The following TUT4 variants were observed in gnomAD, a reference collection of about 807,000 sequenced individuals.
The protein encoded by TUT4 is terminal uridylyl transferase 4.
In TUT4, 36 loss-of-function variants were observed where a neutral mutation model predicts 192.2. The ratio of observed to expected loss-of-function variants is 0.19; its 90% CI spans 0.14 to 0.25. The LOEUF is 0.25. Ranked by LOEUF, TUT4 falls within the 10% of genes least tolerant of loss-of-function variation. TUT4 has a pLI of 1.00. For synonymous variants in TUT4, 618 were observed against 666.0 expected, an observed-to-expected ratio of 0.93 and a Z score of 1.11; for missense variants, 1,493 against 1,957.2, an observed-to-expected ratio of 0.76 and a Z score of 4.47.
At chr1:52,479,611 G>A (rs993529533) in intron 11 of TUT4, among the ~76,000 whole-genome samples, 3 of 152,204 alleles carry the variant, frequency 2.0e-5, no homozygotes, top group Admixed American at 6.5e-5. Flanking sequence ...CTGAAAGGAT[G>A]CAGTGCAAAC....
At chr1:52,484,702 T>C (rs973328548) in intron 9 of TUT4, among the ~76,000 whole-genome samples, 2 of 152,244 alleles carry the variant, frequency 1.3e-5, no homozygotes, top group Non-Finnish European at 2.9e-5. Flanking sequence ...ATCTGAGCAT[T>C]CTATTCTGTT....
intron 24 of TUT4, among the ~76,000 whole-genome samples, chr1:52,443,357 G>A (rs1656299912): frequency 6.6e-6 from 1 of 151,696 alleles, no homozygotes; most frequent in Admixed American, 6.6e-5. Context: ...GGGAGGCTGA[G>A]ATGGGCGGAT....
At chr1:52,449,733 C>A (rs542773157) in intron 20 of TUT4, among the ~76,000 whole-genome samples, 1 of 152,198 alleles carries the variant, frequency 6.6e-6, no homozygotes, top group African/African-American at 2.4e-5. Context: ...AAAATCTTAT[C>A]ATCTGGTAAA....
chr1:52,475,220 T>C lies in TUT4; in HGVS notation c.2339A>G (p.Asn780Ser). 6.2e-7 allele frequency: 1 copy of C among 1,614,140 alleles called. No homozygotes were observed. The highest frequency in any genetic ancestry group is 8.5e-7 in the Non-Finnish European group (1 of 1,180,020). ...TAGTTCATTTACCAACAAATTGTTG[T>C]TGTCAATAATACATCTCTGTGATGT... The part of the protein sequence containing the change: ...DCTSQRCIID[N>S]NNLLVNELDF... The change falls in exon 13 of 30, where the codon AAC becomes AGC. Residue 780 changes from asparagine (N) to serine (S), a missense_variant. By Grantham distance (46) the Asn-to-Ser change is conservative (BLOSUM62 1). Around this residue, in one of 7 missense-constraint regions of TUT4, gnomAD observed 245 missense variants for 218.4 expected, o/e 1.12. Transcript: ENST00000257177.
At chr1:52,428,169 T>C (rs1475749789) in intron 28 of TUT4, among the ~76,000 whole-genome samples, 1 of 152,222 alleles carries the variant, frequency 6.6e-6, no homozygotes, top group Non-Finnish European at 1.5e-5. Context: ...AGTTTTAATT[T>C]TGATTCAAAT....
intron 13 of TUT4, among the ~76,000 whole-genome samples, chr1:52,472,942 G>T (rs1010165665): frequency 1.3e-5 from 2 of 152,058 alleles, no homozygotes; most frequent in African/African-American, 4.8e-5. Context: ...ATCTCTCTTT[G>T]TAAGAATGAT....
At chr1:52,500,401 G>A (rs974980281) in intron 4 of TUT4, among the ~76,000 whole-genome samples, 1 of 152,214 alleles carries the variant, frequency 6.6e-6, no homozygotes, top group Non-Finnish European at 1.5e-5. Context: ...GCCAAGGCAG[G>A]AGGACTGCTG....
chr1:52,463,017 A>G, intron 16 of TUT4: 1 of 985,226 alleles, frequency 1.0e-6, no homozygotes, highest in Non-Finnish European at 1.2e-6. Context: ...TAATTCACAT[A>G]TGATAAAATT....
intron 1 of TUT4, among the ~76,000 whole-genome samples, chr1:52,539,446 C>T (rs755778603): frequency 5.9e-5 from 9 of 151,936 alleles, no homozygotes; most frequent in East Asian, 1.9e-4. Context: ...CACAAGAGAA[C>T]GAAGAATAGA....
chr1:52,485,406 C>G (rs1391021626), intron 9 of TUT4, among the ~76,000 whole-genome samples: 3 of 152,060 alleles, frequency 2.0e-5, no homozygotes, highest in African/African-American at 4.8e-5. Flanking sequence ...ATCATTCGCA[C>G]AAAGAGATAA....
chr1:52,457,915 A>G (rs1439081029), intron 20 of TUT4, among the ~76,000 whole-genome samples: 2 of 152,210 alleles, frequency 1.3e-5, no homozygotes, highest in Admixed American at 1.3e-4. Context: ...CAAAATTCAC[A>G]AGGTTGACCA....
At chr1:52,490,705 A>T in intron 8 of TUT4, 27 bp downstream of exon 8, 2 of 1,577,854 alleles carry the variant, frequency 1.3e-6, no homozygotes, top group Admixed American at 1.9e-5. Flanking sequence ...TTGTTTTTTT[A>T]AATATTTTAT....
rs559363669 is a variant in TUT4 at position 52,461,591 on chromosome 1, A to C, written c.3153T>G (p.Thr1051=). 4.5e-5 allele frequency: 73 copies of C among 1,612,560 alleles called. 1 individual carries two copies. In the South Asian group the frequency reaches 7.3e-4, roughly 16 times the overall value. ...HPGLRNILPI[T]TAKVPIVKFE... ...ATTTTACTATAGGCACTTTGGCAGTAGTTATAGGCAAAATGTTTCTTAAAC... is the reference window on the plus strand; with the variant it reads ...ATTTTACTATAGGCACTTTGGCAGTCGTTATAGGCAAAATGTTTCTTAAAC... Residue 1051 remains threonine, a synonymous_variant, in exon 18 of 30, where the codon ACT becomes ACG. Transcript: ENST00000257177.
intron 24 of TUT4, among the ~76,000 whole-genome samples, chr1:52,443,308 G>T (rs1656277480): frequency 1.3e-5 from 2 of 150,174 alleles, no homozygotes; most frequent in South Asian, 4.2e-4. Flanking sequence ...AAAAAAAAAG[G>T]CTGGGCACAG....
intron 1 of TUT4, among the ~76,000 whole-genome samples, chr1:52,541,519 G>A (rs964005706): frequency 7.0e-4 from 105 of 150,052 alleles, no homozygotes; most frequent in African/African-American, 2.1e-3. Context: ...GTGACAGAGC[G>A]AGACTCCGTC....
At position 52,490,799 on chromosome 1, in the gene TUT4, A is replaced by C; in HGVS notation, c.1321T>G (p.Leu441Val). 3 of 1,609,746 alleles carry C rather than the reference A, an allele frequency of 1.9e-6. No individual in the cohort carries two copies. Among genetic ancestry groups the C allele is most frequent in the Non-Finnish European group, 2.5e-6 (3 of 1,177,942 alleles). Residue 441 changes from leucine (L) to valine (V), a missense_variant and splice_region_variant, in exon 8 of 30, where the codon TTA becomes GTA. Leu to Val is a conservative substitution (Grantham distance 32). Transcript: ENST00000257177. ...AAATCAGATTCCACATCTACATATA[A>C]TACTAATAAGGAAAAAAAAAAGTAA... The part of the protein sequence containing the change: ...KVLGILKKNV[L>V]YVDVESDFHA...
chr1:52,456,411 C>CAAAAAAAAAAAAAAAAAAAA (rs1157223640), intron 20 of TUT4, among the ~76,000 whole-genome samples: 1 of 11,998 alleles, frequency 8.3e-5, no homozygotes, highest in African/African-American at 2.1e-4. Flanking sequence ...GACTGTGTCT[C>CAAAAAAAAAAAAAAAAAAAA]AAAAAAAAAA....
intron 24 of TUT4, among the ~76,000 whole-genome samples, chr1:52,441,444 ATT>A (rs557710242): frequency 0.028 from 3,299 of 119,862 alleles, 28 homozygotes; most frequent in South Asian, 0.055. Context: ...TCTCGGCTAA[ATT>A]TTTTTTTTTT....
chr1:52,455,843 T>C (rs1158818674), intron 20 of TUT4, among the ~76,000 whole-genome samples: 2 of 152,092 alleles, frequency 1.3e-5, no homozygotes, highest in Admixed American at 6.6e-5. Context: ...ACATTGCTGG[T>C]AGAAATGCAA....
Sources: gnomAD v4.1 joint callset for allele counts (sites outside exome capture counted in the v4.1 genomes callset) on GRCh38, gnomAD v4.1.1 for gene constraint, gnomAD v4.1.1 regional missense constraint, MANE v1.5 for transcripts, NCBI Gene and HGNC (gene_info 2026-07-23, HGNC 2026-07-21) for gene names.